The following WDR33 variants were observed in gnomAD, a reference collection of about 807,000 sequenced individuals.
WDR33 encodes the protein pre-mRNA 3' end processing protein WDR33.
A neutral mutation model predicts 164.9 loss-of-function variants in WDR33; 47 were observed. The ratio of observed to expected loss-of-function variants is 0.29; its 90% CI spans 0.23 to 0.36. The LOEUF (loss-of-function observed/expected upper bound fraction) is 0.36, where lower values mean the gene tolerates loss of function less well. WDR33 is among the 10% of genes least tolerant of loss of function. The probability of loss-of-function intolerance (pLI) is 1.00; values close to 1 mark genes in which losing one functional copy is unlikely to be tolerated. For synonymous variants in WDR33, 505 were observed against 589.0 expected (o/e 0.86, Z 2.06); for missense variants, 1,137 against 1,754.1 (o/e 0.65, Z 6.28).
At chr2:127,756,075 C>G (rs1029262997) in intron 7 of WDR33, among the ~76,000 whole-genome samples, 1 of 152,028 alleles carries the variant, frequency 6.6e-6, no homozygotes, top group Admixed American at 6.6e-5. Context: ...GGCTCACACC[C>G]GTAATGACTA....
intron 7 of WDR33, among the ~76,000 whole-genome samples, chr2:127,748,752 A>T (rs1248375707): frequency 6.6e-6 from 1 of 151,878 alleles, no homozygotes; most frequent in East Asian, 1.9e-4. Flanking sequence ...GAAAGTGAGT[A>T]ATATCTTTTT....
chr2:127,800,497 C>T (rs574884085), intron 1 of WDR33, among the ~76,000 whole-genome samples: 3 of 151,870 alleles, frequency 2.0e-5, no homozygotes, highest in Non-Finnish European at 1.5e-5. Context: ...ATTAGCCAGG[C>T]GTGGTGGAGG....
chr2:127,801,104 G>GAA lies in WDR33; in HGVS notation c.-24+9906_-24+9907dup, dbSNP rs36096560. ...CAACATAGTGAGACCCTGTCTCTAG[G>GAA]AAAAAAAAAAAAAAGAAAAGAAAAA... On this transcript the variant is annotated intron_variant, in intron 1 of 21. Coordinates refer to ENST00000322313, the MANE Select transcript of WDR33 (RefSeq NM_018383.5). Among the ~76,000 whole-genome samples, 1,018 of 137,322 alleles carry GAA rather than the reference G, an allele frequency of 7.4e-3. 3 individuals are homozygous for GAA. Among genetic ancestry groups the GAA allele is most frequent in the Middle Eastern group, 0.015 (4 of 272 alleles). 90.1% of individuals were successfully genotyped at this position (137,322 alleles called of 152,430 possible).
rs770593212 is a variant in WDR33 at position 127,713,686 on chromosome 2, C to T, written c.3205G>A (p.Ala1069Thr). 1.2e-5 allele frequency: 20 copies of T among 1,614,084 alleles called. No individual in the cohort carries two copies. The highest frequency in any genetic ancestry group is 3.3e-5 in the South Asian group (3 of 91,088). Residue 1069 changes from alanine to threonine, a missense_variant, in exon 18 of 22, where the codon GCA (alanine) becomes ACA (threonine). Around this residue, in one of 9 missense-constraint regions of WDR33, gnomAD observed 867 missense variants for 1,073.0 expected, o/e 0.81. Coordinates refer to ENST00000322313, the MANE Select transcript of WDR33 (RefSeq NM_018383.5). The surrounding 1 kb of genome is among the most constrained non-coding windows in gnomAD (Gnocchi z 6.2). ...CATGCCCCCGGAGGGCCTCGGGCTG[C>T]ACCCCGGCCATCCCCCTCGCTGAAT... The part of the protein sequence containing the change: ...REFSEGDGRG[A>T]ARGPPGAWEG...
chr2:127,786,762 C>A (rs538426219), intron 1 of WDR33, among the ~76,000 whole-genome samples: 15 of 151,510 alleles, frequency 9.9e-5, no homozygotes, highest in African/African-American at 3.4e-4. Context: ...ATTCTAGAAG[C>A]TTTCTTGTAG....
chr2:127,772,799 T>C (rs1210203038), intron 1 of WDR33, among the ~76,000 whole-genome samples: 1 of 152,144 alleles, frequency 6.6e-6, no homozygotes, highest in African/African-American at 2.4e-5. Flanking sequence ...AATACAAATA[T>C]GCATGATTTT....
chr2:127,800,087 T>C (rs1689182911), intron 1 of WDR33, among the ~76,000 whole-genome samples: 1 of 152,096 alleles, frequency 6.6e-6, no homozygotes, highest in South Asian at 2.1e-4. Context: ...GGTGGGAAAA[T>C]AGTCAAGAAT....
At position 127,709,287 on chromosome 2, in the gene WDR33, A is replaced by G. The variant is rs1573874869; in HGVS notation, c.3565+203T>C. On this transcript the variant is annotated intron_variant, in intron 20 of 21. Coordinates refer to ENST00000322313, the MANE Select transcript of WDR33 (RefSeq NM_018383.5). The surrounding 1 kb of genome is among the most constrained non-coding windows in gnomAD (Gnocchi z 5.0). ...GCAGTCCCGTTTTATACTCAGATAGATCCCTGTAATGTCTGGCGGATTCCT... is the reference window on the plus strand; with the variant it reads ...GCAGTCCCGTTTTATACTCAGATAGGTCCCTGTAATGTCTGGCGGATTCCT... Among the ~76,000 whole-genome samples, 1 of 152,174 alleles carries G rather than the reference A, an allele frequency of 6.6e-6. No individual in the cohort carries two copies. Among genetic ancestry groups the G allele is most frequent in the East Asian group, 1.9e-4 (1 of 5,188 alleles).
chr2:127,810,747 AC>A lies in WDR33; in HGVS notation c.-24+264del, dbSNP rs564673977. 132 of 152,244 alleles carry A rather than the reference AC, an allele frequency of 8.7e-4. 1 individual carries two copies. Among genetic ancestry groups the A allele is most frequent in the African/African-American group, 3.0e-3 (123 of 41,470 alleles). 9.4% of individuals were successfully genotyped at this position (152,244 alleles called of 1,614,324 possible). A position where few individuals can be genotyped will look rare whatever the true frequency, so the allele number is the denominator to read the frequency against. On this transcript the variant is annotated intron_variant, in intron 1 of 21. Coordinates refer to ENST00000322313, the MANE Select transcript of WDR33 (RefSeq NM_018383.5). ...TCACGTCTTAACTGTGGCCTGACTT[AC>A]GTCTTCTCGTCGCCACCGCTCCCAG...
At position 127,710,512 on chromosome 2, in the gene WDR33, C is replaced by T. The variant is rs986903642; in HGVS notation, c.3309-656G>A. Among the ~76,000 whole-genome samples, 1 of 152,170 alleles carries T rather than the reference C, an allele frequency of 6.6e-6. No individual in the cohort carries two copies. Among genetic ancestry groups the T allele is most frequent in the Admixed American group, 6.5e-5 (1 of 15,278 alleles). On this transcript the variant is annotated intron_variant, in intron 18 of 21. Transcript: ENST00000322313. The surrounding 1 kb of genome is among the most constrained non-coding windows in gnomAD (Gnocchi z 4.4). ...CCCGAGTCCACAGCTGATGGGCACA[C>T]AGGTCAGCATCTGGTTTACAGGCAG...
chr2:127,743,515 T>C (rs1687085537), intron 7 of WDR33, among the ~76,000 whole-genome samples: 1 of 152,198 alleles, frequency 6.6e-6, no homozygotes, highest in Non-Finnish European at 1.5e-5. Context: ...ATGCTATCTT[T>C]TTTGTTCTCA....
chr2:127,702,188 C>T lies in WDR33; in HGVS notation c.*4135G>A, dbSNP rs1424377928. ...TGCTGCCCGTGTGAGGACCTCGCGC[C>T]CTCGCCGCTGGGGAAGTACGCGGAG... is the stretch of plus-strand genomic sequence containing the variant. On this transcript the variant is annotated 3_prime_UTR_variant, in exon 22 of 22. Transcript: ENST00000322313. The T allele has an allele frequency of 6.6e-6, 8 of 1,213,722 alleles. No individual in the cohort carries two copies. The African/African-American group carries it at 9.5e-5, about 14-fold the overall frequency. The allele number at this position is 1,213,722 out of a possible 1,614,324, so 75.2% of individuals were successfully genotyped here. A position where few individuals can be genotyped will look rare whatever the true frequency, so the allele number is the denominator to read the frequency against.
chr2:127,800,636 C>CA (rs35733292), intron 1 of WDR33, among the ~76,000 whole-genome samples: 2,044 of 95,502 alleles, frequency 0.021, 29 homozygotes, highest in East Asian at 0.033. Context: ...GACTCCGTCT[C>CA]AAAAAAAAAA....
At chr2:127,767,484 T>C (rs769781364) in intron 4 of WDR33, among the ~76,000 whole-genome samples, 16 of 151,936 alleles carry the variant, frequency 1.1e-4, no homozygotes, top group Non-Finnish European at 2.2e-4. Flanking sequence ...GAGGCTGAGG[T>C]GGGCAGATCA....
At chr2:127,792,497 C>T (rs1181109002) in intron 1 of WDR33, among the ~76,000 whole-genome samples, 1 of 151,168 alleles carries the variant, frequency 6.6e-6, no homozygotes, top group Non-Finnish European at 1.5e-5. Context: ...CCCGTCTCTA[C>T]TAAAAATAAA....
chr2:127,711,766 ATATATATATATATATT>A (rs1387049858), intron 18 of WDR33, among the ~76,000 whole-genome samples: 4 of 72,624 alleles, frequency 5.5e-5, no homozygotes, highest in Non-Finnish European at 9.4e-5. Flanking sequence ...ATATATATAT[ATATATATATATATATT>A]TTTTTTTTGA....
chr2:127,748,675 G>C (rs17015543), intron 7 of WDR33, among the ~76,000 whole-genome samples: 2,176 of 152,172 alleles, frequency 0.014, 66 homozygotes, highest in African/African-American at 0.051. Context: ...TAGATTTAGA[G>C]GTACTTTAAA....
At chr2:127,783,130 A>G (rs1688432537) in intron 1 of WDR33, among the ~76,000 whole-genome samples, 1 of 152,226 alleles carries the variant, frequency 6.6e-6, no homozygotes, top group Admixed American at 6.5e-5. Context: ...GGGGATTCCT[A>G]GTACTACTCC....
chr2:127,731,311 A>C (rs1368232426), intron 7 of WDR33, among the ~76,000 whole-genome samples: 1 of 151,650 alleles, frequency 6.6e-6, no homozygotes, highest in African/African-American at 2.4e-5. Context: ...AAAAAAAAAA[A>C]AAAAAAACAC....
Sources: allele counts gnomAD v4.1 joint callset (sites outside exome capture counted in the v4.1 genomes callset), GRCh38; gene constraint gnomAD v4.1.1; regional missense constraint gnomAD v4.1.1; non-coding constraint Gnocchi (gnomAD v3.1); transcripts MANE v1.5; gene names NCBI Gene and HGNC (gene_info 2026-07-23, HGNC 2026-07-21).